PDLIM1: variants seen among roughly 807,000 people sequenced by gnomAD.
PDLIM1 encodes PDZ and LIM domain 1.
A neutral mutation model predicts 35.2 loss-of-function variants in PDLIM1; 25 were observed. The observed-to-expected ratio is 0.71, with a 90% CI of 0.52 to 0.99. PDLIM1 has a LOEUF of 0.99. Among genes scored for constraint, PDLIM1 ranks in the 50% least tolerant of loss-of-function variants. The pLI is 0.00. For synonymous variants in PDLIM1, 152 were observed against 154.0 expected (o/e 0.99, Z 0.10); for missense variants, 363 against 415.3 (o/e 0.87, Z 1.09).
intron 1 of PDLIM1, among the ~76,000 whole-genome samples, chr10:95,278,625 AAAAG>A (rs2035535457): frequency 6.6e-6 from 1 of 152,172 alleles, no homozygotes; most frequent in African/African-American, 2.4e-5. Flanking sequence ...TCAAAAAAAA[AAAAG>A]AAAAGAAAAG....
chr10:95,290,589 C>T lies in PDLIM1; in HGVS notation c.96+231G>A, dbSNP rs796148045. ...CGAAAACTGCCTTCTTTTTTTCTGG[C>T]GGACACGGAGCGCGCCCGCGGCGGG... is the stretch of plus-strand genomic sequence containing the variant. On this transcript the variant is annotated intron_variant, in intron 1 of 6. Coordinates refer to ENST00000329399, the MANE Select transcript of PDLIM1 (RefSeq NM_020992.4). The surrounding 1 kb of genome is among the most constrained non-coding windows in gnomAD (Gnocchi z 4.7). 2.6e-5 allele frequency among the ~76,000 whole-genome samples: 4 copies of T among 152,174 alleles called. No individual in the cohort carries two copies. Among genetic ancestry groups the T allele is most frequent in the African/African-American group, 9.6e-5 (4 of 41,552 alleles).
intron 1 of PDLIM1, among the ~76,000 whole-genome samples, chr10:95,287,698 G>T (rs2035614950): frequency 6.6e-6 from 1 of 151,914 alleles, no homozygotes; most frequent in Non-Finnish European, 1.5e-5. Context: ...CAAGGAAATG[G>T]GCAAGTGTTG....
At chr10:95,253,458 C>T (rs1323667218) in intron 4 of PDLIM1, among the ~76,000 whole-genome samples, 1 of 152,092 alleles carries the variant, frequency 6.6e-6, no homozygotes, top group Non-Finnish European at 1.5e-5. Flanking sequence ...AGTTCAAGAC[C>T]AGCCTGGCCA....
chr10:95,260,707 A>C (rs1208498768), intron 4 of PDLIM1, among the ~76,000 whole-genome samples: 1 of 152,238 alleles, frequency 6.6e-6, no homozygotes, highest in African/African-American at 2.4e-5. Flanking sequence ...GGACAAAGAA[A>C]TCCAGGGCAA....
At chr10:95,268,331 CAG>C (rs1388080722) in intron 3 of PDLIM1, among the ~76,000 whole-genome samples, 3 of 152,206 alleles carry the variant, frequency 2.0e-5, no homozygotes, top group South Asian at 2.1e-4. Context: ...GGAAACCAGA[CAG>C]GGGCATACAG....
At chr10:95,262,020 AAAAG>A (rs930394639) in intron 4 of PDLIM1, among the ~76,000 whole-genome samples, 4 of 151,936 alleles carry the variant, frequency 2.6e-5, no homozygotes, top group African/African-American at 4.8e-5. Flanking sequence ...AAAAAAAAAA[AAAAG>A]AAAGAAAGAA....
Position 95,271,760 on chromosome 10 carries a change from G to C in PDLIM1, c.121C>G (p.Leu41Val). 1 of 1,611,860 alleles carries C rather than the reference G, an allele frequency of 6.2e-7. No homozygotes were observed. Among genetic ancestry groups the C allele is most frequent in the Non-Finnish European group, 8.5e-7 (1 of 1,179,376 alleles). ...SRVTPGSKAA[L>V]ANLCIGDVIT... ...ACATCTCCAATACATAAATTAGCTA[G>C]AGCCGCCTTGCTTCCAGGAGTGACC... Residue 41 changes from leucine (L) to valine (V), a missense_variant, in exon 2 of 7, where the codon CTA (leucine) becomes GTA (valine). By Grantham distance (32) the Leu-to-Val change is conservative (BLOSUM62 1). Coordinates refer to ENST00000329399, the MANE Select transcript of PDLIM1 (RefSeq NM_020992.4).
intron 4 of PDLIM1, among the ~76,000 whole-genome samples, chr10:95,258,346 A>C (rs1484429342): frequency 6.6e-6 from 1 of 151,996 alleles, no homozygotes. Flanking sequence ...AAAAAATACC[A>C]AAAAAATTAG....
At chr10:95,273,320 C>T (rs2035480789) in intron 1 of PDLIM1, 1 of 152,144 alleles carries the variant, frequency 6.6e-6, no homozygotes, top group Admixed American at 6.5e-5. Context: ...TATGGCTGAA[C>T]CACAGGTAAC....
intron 4 of PDLIM1, among the ~76,000 whole-genome samples, chr10:95,258,629 C>T (rs2035336299): frequency 6.6e-6 from 1 of 152,046 alleles, no homozygotes; most frequent in African/African-American, 2.4e-5. Context: ...AGTAATCAAA[C>T]TTAGAAAGTA....
chr10:95,269,020 A>G (rs565310427), intron 2 of PDLIM1, among the ~76,000 whole-genome samples, 158 bp from the exon 3 acceptor site: 1 of 152,278 alleles, frequency 6.6e-6, no homozygotes, highest in South Asian at 2.1e-4. Context: ...TGATCTTTTA[A>G]ACACCCCAAT....
intron 5 of PDLIM1, among the ~76,000 whole-genome samples, chr10:95,243,474 A>C (rs2035194857): frequency 6.6e-6 from 1 of 152,192 alleles, no homozygotes; most frequent in Non-Finnish European, 1.5e-5. Flanking sequence ...ACCTTGCATG[A>C]CTTCACACTA....
intron 1 of PDLIM1, among the ~76,000 whole-genome samples, chr10:95,280,569 G>T (rs6583988): frequency 0.87 from 132,368 of 152,170 alleles, 58,445 homozygotes; most frequent in Non-Finnish European, 0.95. Flanking sequence ...CATTTCATTC[G>T]CAGAAGTACT....
In PDLIM1 at chr10:95,238,111, A is replaced by C; in HGVS notation, c.804T>G (p.Val268=). The part of the protein sequence containing the change: ...PMCDKCGTGI[V]GVFVKLRDRH... Reference sequence around the variant, plus strand: ...GGTCCCGCAGCTTCACAAACACACCACTACAGAAGCAAGGGAGGGAAGGGA... The same window carrying C: ...GGTCCCGCAGCTTCACAAACACACCCCTACAGAAGCAAGGGAGGGAAGGGA... Residue 268 remains valine, a splice_region_variant and synonymous_variant, in exon 7 of 7, where the codon GTT becomes GTG. Transcript: ENST00000329399. 2 of 1,613,308 alleles carry C rather than the reference A, an allele frequency of 1.2e-6. No homozygotes were observed. The highest frequency in any genetic ancestry group is 1.7e-6 in the Non-Finnish European group (2 of 1,179,556).
rs866067342 is a variant in PDLIM1 at position 95,286,620 on chromosome 10, A to C, written c.96+4200T>G. On this transcript the variant is annotated intron_variant, in intron 1 of 6. Coordinates refer to ENST00000329399, the MANE Select transcript of PDLIM1 (RefSeq NM_020992.4). ...TCCCCCAGGCTTTCCTCTGAGACCT[A>C]CTGGAAGCGAAATAATCCTTTAAAA... Among the ~76,000 whole-genome samples, 3 of 152,174 alleles carry C rather than the reference A, an allele frequency of 2.0e-5. No individual in the cohort carries two copies. In the East Asian group the frequency reaches 5.8e-4, roughly 29 times the overall value.
At chr10:95,286,593 CTTCCCCCAGGCT>C (rs2133444405) in intron 1 of PDLIM1, among the ~76,000 whole-genome samples, 1 of 152,328 alleles carries the variant, frequency 6.6e-6, no homozygotes, top group African/African-American at 2.4e-5. Context: ...GTCCTGGAAG[CTTCCCCCAGGCT>C]TTCCTCTGAG....
chr10:95,237,705 C>G lies in PDLIM1; in HGVS notation c.*220G>C. 1.9e-6 allele frequency: 1 copy of G among 537,480 alleles called. No individual in the cohort carries two copies. The highest frequency in any genetic ancestry group is 3.3e-6 in the Non-Finnish European group (1 of 302,048). The allele number at this position is 537,480 out of a possible 1,614,324, so 33.3% of individuals were successfully genotyped here. On this transcript the variant is annotated 3_prime_UTR_variant, in exon 7 of 7. Transcript: ENST00000329399. Reference sequence around the variant, plus strand: ...GGGCGAAGGGACACAGTGTTGCTGACAAGGTGACACTGAACAAAACAGTTT... The same window carrying G: ...GGGCGAAGGGACACAGTGTTGCTGAGAAGGTGACACTGAACAAAACAGTTT...
At chr10:95,262,845 G>T (rs1180704343) in intron 4 of PDLIM1, among the ~76,000 whole-genome samples, 1 of 152,152 alleles carries the variant, frequency 6.6e-6, no homozygotes, top group African/African-American at 2.4e-5. Context: ...AGATCCAGGA[G>T]ACTCCAATAA....
intron 1 of PDLIM1, among the ~76,000 whole-genome samples, chr10:95,280,871 T>G (rs1162973768): frequency 3.9e-5 from 6 of 152,172 alleles, no homozygotes; most frequent in Admixed American, 1.3e-4. Flanking sequence ...ACTGTGATAT[T>G]TGCAAGGATG....
Sources: gnomAD v4.1 joint callset for allele counts (sites outside exome capture counted in the v4.1 genomes callset) on GRCh38, gnomAD v4.1.1 for gene constraint, Gnocchi (gnomAD v3.1) non-coding constraint, MANE v1.5 for transcripts, NCBI Gene and HGNC (gene_info 2026-07-23, HGNC 2026-07-21) for gene names.